Variants in CSMD1 observed in about 807,000 individuals in gnomAD.
CSMD1 encodes CUB and sushi domain-containing protein 1.
In CSMD1, 213 loss-of-function variants were observed where a neutral mutation model predicts 417.5. The observed-to-expected ratio is 0.51, with a 90% CI of 0.46 to 0.57. CSMD1 has a LOEUF of 0.57. CSMD1 is among the 20% of genes least tolerant of loss of function. CSMD1 has a pLI of 0.00. For missense variants in CSMD1, 6,923 were observed against 4,529.7 expected (o/e 1.53, Z -15.17); for synonymous variants, 2,862 against 1,736.8 (o/e 1.65, Z -16.11).
chr8:4,210,511 T>C (rs1800242049), intron 3 of CSMD1, among the ~76,000 whole-genome samples: 1 of 152,216 alleles, frequency 6.6e-6, no homozygotes, highest in South Asian at 2.1e-4. Context: ...TTCTCTTATA[T>C]CTTAGTGTGA....
chr8:3,891,919 C>T (rs1476395377), intron 5 of CSMD1, among the ~76,000 whole-genome samples: 1 of 152,046 alleles, frequency 6.6e-6, no homozygotes, highest in Admixed American at 6.6e-5. Flanking sequence ...ATTATCAGAA[C>T]ACCAAACTCT....
At chr8:4,549,836 G>A (rs1297001520) in intron 2 of CSMD1, among the ~76,000 whole-genome samples, 1 of 134,852 alleles carries the variant, frequency 7.4e-6, no homozygotes, top group East Asian at 2.3e-4. Flanking sequence ...GGCAGAGGTT[G>A]CAATGAGCCA....
At chr8:3,222,071 A>T (rs1045995822) in intron 28 of CSMD1, among the ~76,000 whole-genome samples, 7 of 152,066 alleles carry the variant, frequency 4.6e-5, no homozygotes, top group African/African-American at 1.7e-4. Context: ...AGCACATGCA[A>T]ACTCCAGATC....
At chr8:4,716,452 A>G (rs1014979695) in intron 1 of CSMD1, among the ~76,000 whole-genome samples, 13 of 152,226 alleles carry the variant, frequency 8.5e-5, no homozygotes, top group African/African-American at 3.1e-4. Context: ...TCTGAAAAAC[A>G]GAATTTTTCA....
chr8:4,920,788 G>A (rs750920904), intron 1 of CSMD1, among the ~76,000 whole-genome samples: 11 of 150,486 alleles, frequency 7.3e-5, no homozygotes, highest in Non-Finnish European at 1.2e-4. Context: ...GTGCCATTGC[G>A]GTCCAGCCTG....
intron 49 of CSMD1, among the ~76,000 whole-genome samples, chr8:3,067,632 A>T (rs1813027808): frequency 6.7e-6 from 1 of 149,718 alleles, no homozygotes; most frequent in Non-Finnish European, 1.5e-5. Context: ...ATATATAATA[A>T]CATTGATCAA....
chr8:4,632,690 G>A (rs1255956041), intron 2 of CSMD1, among the ~76,000 whole-genome samples: 2 of 152,180 alleles, frequency 1.3e-5, no homozygotes, highest in East Asian at 3.9e-4. Flanking sequence ...GTTCAAAGGA[G>A]TACAGGCTTC....
At chr8:4,301,097 T>G (rs1048905533) in intron 3 of CSMD1, among the ~76,000 whole-genome samples, 1 of 152,156 alleles carries the variant, frequency 6.6e-6, no homozygotes, top group Non-Finnish European at 1.5e-5. Flanking sequence ...TGAGTTCCCA[T>G]TGAAACTCTT....
At chr8:4,304,389 G>C (rs1202406390) in intron 3 of CSMD1, among the ~76,000 whole-genome samples, 3 of 152,126 alleles carry the variant, frequency 2.0e-5, no homozygotes, top group Non-Finnish European at 4.4e-5. Flanking sequence ...GTTGTAAATA[G>C]AGAAATTATT....
At chr8:4,562,110 G>C (rs960784992) in intron 2 of CSMD1, among the ~76,000 whole-genome samples, 3 of 152,178 alleles carry the variant, frequency 2.0e-5, no homozygotes, top group African/African-American at 7.2e-5. Flanking sequence ...ATAGAGGAGG[G>C]AAGAGTGTAG....
intron 5 of CSMD1, among the ~76,000 whole-genome samples, chr8:3,821,982 C>T (rs7007070): frequency 0.79 from 119,703 of 152,122 alleles, 47,395 homozygotes; most frequent in African/African-American, 0.88. Flanking sequence ...CCTTCACATT[C>T]TTTGCTCTGG....
chr8:4,812,054 T>C (rs1054500103), intron 1 of CSMD1, among the ~76,000 whole-genome samples: 3 of 152,204 alleles, frequency 2.0e-5, no homozygotes, highest in Non-Finnish European at 4.4e-5. Context: ...GGTCCTGTCA[T>C]TTATAAAACT....
chr8:4,627,791 G>A (rs1245803784), intron 2 of CSMD1, among the ~76,000 whole-genome samples: 1 of 152,018 alleles, frequency 6.6e-6, no homozygotes, highest in African/African-American at 2.4e-5. Flanking sequence ...AATAATGTAG[G>A]CAGACATATG....
intron 3 of CSMD1, among the ~76,000 whole-genome samples, chr8:4,042,599 G>C (rs775949706): frequency 1.3e-5 from 2 of 151,612 alleles, no homozygotes; most frequent in Non-Finnish European, 1.5e-5. Context: ...CCAAGCACCA[G>C]GAATGATACC....
At chr8:3,889,271 T>C (rs1806779362) in intron 5 of CSMD1, among the ~76,000 whole-genome samples, 1 of 151,582 alleles carries the variant, frequency 6.6e-6, no homozygotes, top group Non-Finnish European at 1.5e-5. Context: ...AATGTTTTTC[T>C]AGAAAGCCAT....
chr8:3,863,226 A>G (rs1315221018), intron 5 of CSMD1, among the ~76,000 whole-genome samples: 1 of 151,960 alleles, frequency 6.6e-6, no homozygotes, highest in Non-Finnish European at 1.5e-5. Flanking sequence ...GTGAAACCCC[A>G]TCTCTACTGA....
At chr8:4,078,605 T>TG (rs1554440457) in intron 3 of CSMD1, among the ~76,000 whole-genome samples, 1 of 148,266 alleles carries the variant, frequency 6.7e-6, no homozygotes, top group African/African-American at 2.5e-5. Flanking sequence ...TTATGAAATA[T>TG]AATTTTTTTT....
intron 5 of CSMD1, among the ~76,000 whole-genome samples, chr8:3,850,880 C>A (rs1019436789): frequency 6.6e-6 from 1 of 152,020 alleles, no homozygotes; most frequent in African/African-American, 2.4e-5. Context: ...TTTATTTCAG[C>A]ATTATTATCA....
chr8:3,374,428 A>G (rs1180738027), intron 18 of CSMD1, among the ~76,000 whole-genome samples: 1 of 152,164 alleles, frequency 6.6e-6, no homozygotes, highest in Non-Finnish European at 1.5e-5. Context: ...CTGTTTTTCC[A>G]AAGTTTACAT....
Sources: allele counts gnomAD v4.1 joint callset (sites outside exome capture counted in the v4.1 genomes callset), GRCh38; gene constraint gnomAD v4.1.1; transcripts MANE v1.5; gene names NCBI Gene and HGNC (gene_info 2026-07-23, HGNC 2026-07-21).